PRRC2B: variants seen among roughly 807,000 people sequenced by gnomAD.
The protein encoded by PRRC2B is protein PRRC2B.
A neutral mutation model predicts 242.3 loss-of-function variants in PRRC2B; 68 were observed. The observed-to-expected ratio is 0.28, with a 90% CI of 0.23 to 0.34. PRRC2B has a LOEUF of 0.34. PRRC2B is among the 10% of genes least tolerant of loss of function. The pLI, the probability that PRRC2B is intolerant of heterozygous loss-of-function variation, is 1.00. For synonymous variants in PRRC2B, 1,228 were observed against 1,173.6 expected (o/e 1.05, Z -0.95); for missense variants, 2,835 against 2,954.8 (o/e 0.96, Z 0.94).
At chr9:131,480,953 T>C (rs1418701878) in intron 19 of PRRC2B, among the ~76,000 whole-genome samples, 1 of 151,750 alleles carries the variant, frequency 6.6e-6, no homozygotes. Context: ...TGAAGATCAC[T>C]TGAGATCAGG....
intron 1 of PRRC2B, among the ~76,000 whole-genome samples, chr9:131,382,460 AG>A (rs1836773475): frequency 6.6e-6 from 1 of 152,136 alleles, no homozygotes; most frequent in Non-Finnish European, 1.5e-5. Context: ...AGAGGATGCC[AG>A]GAGTCCCAGG....
intron 1 of PRRC2B, among the ~76,000 whole-genome samples, chr9:131,384,846 C>T (rs770117482): frequency 7.9e-5 from 12 of 152,134 alleles, no homozygotes; most frequent in East Asian, 5.8e-4. Flanking sequence ...TGAGCCACCG[C>T]GCCTGGTCGA....
intron 14 of PRRC2B, 71 bp from the exon 15 acceptor site, chr9:131,473,437 T>G (rs1310077963): frequency 1.5e-5 from 19 of 1,239,270 alleles, no homozygotes; most frequent in Non-Finnish European, 1.9e-5. Flanking sequence ...TCTTTGGGCC[T>G]TTGGTTGACC....
rs905324805 is a variant in PRRC2B at position 131,480,235 on chromosome 9, C to G, written c.4900+842C>G. 5.3e-5 allele frequency among the ~76,000 whole-genome samples: 8 copies of G among 152,326 alleles called. 1 individual carries two copies. Among genetic ancestry groups the G allele is most frequent in the African/African-American group, 1.9e-4 (8 of 41,568 alleles). ...AGCACCCGAGACACTGAGTTCTGGG[C>G]CTTGATTCTTTCACTGTTTCCACAT... On this transcript the variant is annotated intron_variant, in intron 19 of 31. Coordinates refer to ENST00000683519, the MANE Select transcript of PRRC2B (RefSeq NM_013318.4).
chr9:131,455,520 T>A (rs1433268591), intron 10 of PRRC2B, among the ~76,000 whole-genome samples: 1 of 146,660 alleles, frequency 6.8e-6, no homozygotes, highest in African/African-American at 2.5e-5. Flanking sequence ...CTTTTTTTTT[T>A]TTTTTTTTTT....
rs899993508 is a variant in PRRC2B at position 131,459,373 on chromosome 9, G to C, written c.1404+17G>C. 1.9e-6 allele frequency: 3 copies of C among 1,603,258 alleles called. No individual in the cohort carries two copies. The African/African-American group carries it at 4.0e-5, about 21-fold the overall frequency. On this transcript the variant is annotated intron_variant, in intron 11 of 31. Transcript: ENST00000683519. ...GACTACCAGGTACCAAGGGCCCTTG[G>C]CTGTCCTGTGTATTTGTACTTCATT...
intron 1 of PRRC2B, among the ~76,000 whole-genome samples, chr9:131,407,884 A>G (rs1837407431): frequency 6.6e-6 from 1 of 152,158 alleles, no homozygotes; most frequent in Non-Finnish European, 1.5e-5. Flanking sequence ...GATAGTAAGG[A>G]CAGCCACCTT....
chr9:131,470,716 G>A, intron 13 of PRRC2B, 72 bp from the exon 14 acceptor site: 1 of 1,266,870 alleles, frequency 7.9e-7, no homozygotes, highest in Non-Finnish European at 1.1e-6. Flanking sequence ...AAAGCTGGAA[G>A]GGCGTGTGTT....
At chr9:131,472,973 C>T (rs568899745) in intron 14 of PRRC2B, among the ~76,000 whole-genome samples, 2 of 152,246 alleles carry the variant, frequency 1.3e-5, no homozygotes, top group African/African-American at 4.8e-5. Flanking sequence ...CTTAGCAAAG[C>T]ATTTGGGGAG....
intron 14 of PRRC2B, 38 bp from the exon 15 acceptor site, chr9:131,473,470 T>G: frequency 2.7e-6 from 4 of 1,488,058 alleles, no homozygotes; most frequent in Non-Finnish European, 3.7e-6. Context: ...CAGGGCTTTC[T>G]AAATGAGATG....
chr9:131,476,856 G>T (rs1389571004), intron 16 of PRRC2B, among the ~76,000 whole-genome samples: 1 of 152,268 alleles, frequency 6.6e-6, no homozygotes, highest in East Asian at 1.9e-4. Flanking sequence ...CCTGTGCACA[G>T]TGCCAGGTGC....
chr9:131,479,847 T>C (rs1463474929), intron 19 of PRRC2B, among the ~76,000 whole-genome samples: 2 of 152,176 alleles, frequency 1.3e-5, no homozygotes, highest in Non-Finnish European at 2.9e-5. Flanking sequence ...CCCTGAATGC[T>C]CTTCTGGAAA....
In PRRC2B at chr9:131,482,878, C is replaced by T; in HGVS notation, c.5344C>T (p.Pro1782Ser). 2 of 1,607,676 alleles carry T rather than the reference C, an allele frequency of 1.2e-6. No individual in the cohort carries two copies. The highest frequency in any genetic ancestry group is 1.7e-6 in the Non-Finnish European group (2 of 1,177,024). ...TCACGTGGACTCCGTGCTGCCTGTG[C>T]CACCCATTGAATTTGGAGTCAGTCC... ...EIHVDSVLPV[P>S]PIEFGVSPKD... is the part of the protein sequence containing the mutation. Residue 1782 changes from proline (P) to serine (S), a missense_variant, in exon 22 of 32, where the codon CCA becomes TCA. By Grantham distance (74) the Pro-to-Ser change is moderately conservative. Transcript: ENST00000683519. The surrounding 1 kb of genome is among the most constrained non-coding windows in gnomAD (Gnocchi z 5.2).
chr9:131,404,181 G>A (rs529606787), intron 1 of PRRC2B, among the ~76,000 whole-genome samples: 241 of 146,632 alleles, frequency 1.6e-3, no homozygotes, highest in Non-Finnish European at 3.0e-3. Context: ...AGAAAAAATC[G>A]TTTATAATCC....
Position 131,494,365 on chromosome 9 carries a change from C to T in PRRC2B, c.6474-40C>T. The T allele has an allele frequency of 9.3e-7, 1 of 1,069,574 alleles. No individual in the cohort carries two copies. Among genetic ancestry groups the T allele is most frequent in the Non-Finnish European group, 1.4e-6 (1 of 709,888 alleles). The allele number at this position is 1,069,574 out of a possible 1,614,324, so 66.3% of individuals were successfully genotyped here. On this transcript the variant is annotated intron_variant, in intron 30 of 31. Coordinates refer to ENST00000683519, the MANE Select transcript of PRRC2B (RefSeq NM_013318.4). This position sits in a 1 kb window ranked among gnomAD's most constrained non-coding sequence, Gnocchi z 4.3. Reference sequence around the variant, plus strand: ...GGCTTTGACTCCATTTCTGTGGTGACACGTTGTGTATTCTCAACCCCTGCC... The same window carrying T: ...GGCTTTGACTCCATTTCTGTGGTGATACGTTGTGTATTCTCAACCCCTGCC...
intron 1 of PRRC2B, among the ~76,000 whole-genome samples, chr9:131,385,966 TACAGGCGTGAACCACG>T (rs1400562174): frequency 6.6e-6 from 1 of 150,540 alleles, no homozygotes; most frequent in Non-Finnish European, 1.5e-5. Context: ...GTGCTGGGAT[TACAGGCGTGAACCACG>T]GCGCCCGGCC....
intron 1 of PRRC2B, 152 bp from the exon 2 acceptor site, chr9:131,429,942 T>C: frequency 1.8e-6 from 1 of 562,332 alleles, no homozygotes; most frequent in East Asian, 2.9e-5. Flanking sequence ...GAGAGCAGTT[T>C]TCTAAGGACA....
chr9:131,478,945 C>T (rs944261618), intron 18 of PRRC2B, among the ~76,000 whole-genome samples: 4 of 152,168 alleles, frequency 2.6e-5, no homozygotes, highest in South Asian at 2.1e-4. Flanking sequence ...CCTTCCTCCC[C>T]ACTCCTCATT....
Position 131,475,482 on chromosome 9 carries a change from C to T in PRRC2B, c.3353C>T (p.Pro1118Leu). Residue 1118 changes from proline to leucine, a missense_variant, in exon 16 of 32, where the codon CCA becomes CTA. Transcript: ENST00000683519. ...CGGGGCCTGCGAGAGTTTGCGCGGC[C>T]AGAGGACTGCCCCAGAGCCAAGCCC... is the stretch of plus-strand genomic sequence containing the variant. ...RGRGLREFAR[P>L]EDCPRAKPRR... 1 of 1,595,840 alleles carries T rather than the reference C, an allele frequency of 6.3e-7. No individual in the cohort carries two copies. The highest frequency in any genetic ancestry group is 1.3e-5 in the African/African-American group (1 of 74,148).
Sources: allele counts gnomAD v4.1 joint callset (sites outside exome capture counted in the v4.1 genomes callset), GRCh38; gene constraint gnomAD v4.1.1; non-coding constraint Gnocchi (gnomAD v3.1); transcripts MANE v1.5; gene names NCBI Gene and HGNC (gene_info 2026-07-23, HGNC 2026-07-21).